Variants in GSE1 observed in about 807,000 individuals in gnomAD.
The protein encoded by GSE1 is Gse1 coiled-coil protein, also known as genetic suppressor element 1.
A neutral mutation model predicts 112.6 loss-of-function variants in GSE1; 32 were observed. The ratio of observed to expected loss-of-function variants is 0.28; its 90% CI spans 0.21 to 0.38. The LOEUF (loss-of-function observed/expected upper bound fraction) is 0.38. GSE1 is among the 10% of genes least tolerant of loss of function. The probability of loss-of-function intolerance (pLI) is 1.00; values close to 1 mark genes in which losing one functional copy is unlikely to be tolerated. For missense variants in GSE1, 2,348 were observed against 1,699.2 expected, an observed-to-expected ratio of 1.38 and a Z score of -6.71; for synonymous variants, 1,115 against 735.6, an observed-to-expected ratio of 1.52 and a Z score of -8.35.
intron 3 of GSE1, among the ~76,000 whole-genome samples, chr16:85,650,995 C>A (rs1298803145): frequency 6.7e-6 from 1 of 149,208 alleles, no homozygotes; most frequent in Non-Finnish European, 1.5e-5. Context: ...CTATGGAACC[C>A]TTGCTCTAAT....
At chr16:85,239,750 G>C (rs4534832) in intron 1 of GSE1, among the ~76,000 whole-genome samples, 23,709 of 152,226 alleles carry the variant, frequency 0.16, 2,004 homozygotes, top group East Asian at 0.23. Flanking sequence ...GTCCCACCGG[G>C]GCTGTGATTC....
chr16:85,460,555 AGGCAGAAAGTG>A (rs2049942741), intron 2 of GSE1, among the ~76,000 whole-genome samples: 1 of 152,242 alleles, frequency 6.6e-6, no homozygotes, highest in African/African-American at 2.4e-5. Flanking sequence ...GTAAACTGAC[AGGCAGAAAGTG>A]GGCGACGTCA....
intron 1 of GSE1, among the ~76,000 whole-genome samples, chr16:85,232,564 C>G (rs976741000): frequency 6.6e-6 from 1 of 152,226 alleles, no homozygotes; most frequent in African/African-American, 2.4e-5. Flanking sequence ...GCCCTGGTCT[C>G]CTGCCATGTG....
At chr16:85,670,699 T>G (rs1287079155) in intron 14 of GSE1, 16 of 192,658 alleles carry the variant, frequency 8.3e-5, no homozygotes, top group Non-Finnish European at 1.7e-4. Flanking sequence ...TATTTTTTTT[T>G]TTTTGAAAGC....
At chr16:85,189,121 T>A (rs1436658118) in intron 1 of GSE1, among the ~76,000 whole-genome samples, 2 of 152,214 alleles carry the variant, frequency 1.3e-5, no homozygotes. Context: ...TGACACATGC[T>A]CTTTCTTTCA....
rs573085472 is a variant in GSE1, at chr16:85,373,842, A to G, written c.2464+16199A>G. ...TCCTGCCCCACGGTGCCCCACGGTT[A>G]CCACCGCCACGGCAGGGCCAGTCTC... is the stretch of plus-strand genomic sequence containing the variant. On this transcript the variant is annotated intron_variant, in intron 2 of 2. Transcript: ENST00000637419. The surrounding 1 kb of genome is among the most constrained non-coding windows in gnomAD (Gnocchi z 5.1). 2.2e-3 allele frequency among the ~76,000 whole-genome samples: 330 copies of G among 152,108 alleles called. 3 individuals are homozygous for G. The highest frequency in any genetic ancestry group is 7.5e-3 in the African/African-American group (312 of 41,520).
chr16:85,187,395 C>T (rs12931623), intron 1 of GSE1, among the ~76,000 whole-genome samples: 12,309 of 152,276 alleles, frequency 0.081, 645 homozygotes, highest in Middle Eastern at 0.13. Flanking sequence ...AGCACCGGGG[C>T]CCCCGCTTCC....
chr16:85,661,903 G>A (rs2052466488), intron 9 of GSE1, 138 bp downstream of exon 9: 1 of 811,922 alleles, frequency 1.2e-6, no homozygotes, highest in Non-Finnish European at 1.9e-6. Context: ...GGTGGCAAGT[G>A]CACTGGCTTC....
chr16:85,344,342 G>A (rs556698825), intron 1 of GSE1, among the ~76,000 whole-genome samples: 35 of 152,272 alleles, frequency 2.3e-4, no homozygotes, highest in Admixed American at 6.5e-4. Flanking sequence ...AGCAGCCCGC[G>A]CGTTGCTTTT....
chr16:85,605,193 C>G lies in GSE1; in HGVS notation c.38-43359C>G, dbSNP rs116475272. On this transcript the variant is annotated intron_variant, in intron 1 of 2. Transcript: ENST00000635906. ...GGGCCCCACCCGCTGTCCTGCTCCC[C>G]TTGCCTAGTGACCAGCCAGGGGCCG... Among the ~76,000 whole-genome samples the G allele has an allele frequency of 2.5e-3, 382 of 151,948 alleles. 9 individuals carry two copies. Among genetic ancestry groups the G allele is most frequent in the African/African-American group, 9.0e-3 (371 of 41,308 alleles).
intron 2 of GSE1, among the ~76,000 whole-genome samples, chr16:85,483,807 T>C (rs1160994435): frequency 6.6e-6 from 1 of 152,134 alleles, no homozygotes; most frequent in East Asian, 1.9e-4. Flanking sequence ...TAAATAAGGG[T>C]GTGATTATTG....
intron 2 of GSE1, among the ~76,000 whole-genome samples, chr16:85,542,096 G>A (rs1345226557): frequency 7.1e-6 from 1 of 141,250 alleles, no homozygotes; most frequent in Non-Finnish European, 1.6e-5. Flanking sequence ...CACCCCATCC[G>A]GTTTTGACCT....
At chr16:85,628,103 C>G (rs554507677) in intron 1 of GSE1, among the ~76,000 whole-genome samples, 17 of 152,346 alleles carry the variant, frequency 1.1e-4, no homozygotes, top group African/African-American at 4.1e-4. Flanking sequence ...CTCCAAGGAT[C>G]TCGGGGTTCC....
chr16:85,424,255 C>T (rs895363348), intron 2 of GSE1, among the ~76,000 whole-genome samples: 7 of 152,266 alleles, frequency 4.6e-5, no homozygotes, highest in African/African-American at 9.6e-5. Context: ...AGCCCCCGCC[C>T]CTCCGGTGCC....
intron 1 of GSE1, among the ~76,000 whole-genome samples, chr16:85,220,111 C>T (rs932296150): frequency 1.8e-4 from 28 of 152,248 alleles, no homozygotes; most frequent in African/African-American, 6.3e-4. Flanking sequence ...ACCCCACCCT[C>T]GGCCCCTCAC....
chr16:85,235,431 T>C (rs1287912088), intron 1 of GSE1, among the ~76,000 whole-genome samples: 4 of 58,752 alleles, frequency 6.8e-5, no homozygotes, highest in African/African-American at 2.8e-4. Context: ...AAGGGTACTG[T>C]GTGTGTGTGT....
intron 1 of GSE1, among the ~76,000 whole-genome samples, chr16:85,633,667 C>G (rs1393943312): frequency 6.6e-6 from 1 of 152,192 alleles, no homozygotes; most frequent in Non-Finnish European, 1.5e-5. Context: ...AGTGCTGGCC[C>G]AAGCCGTTCA....
At chr16:85,567,609 C>T (rs902197537) in intron 1 of GSE1, among the ~76,000 whole-genome samples, 1 of 152,230 alleles carries the variant, frequency 6.6e-6, no homozygotes, top group African/African-American at 2.4e-5. Context: ...AAGCGGAAAG[C>T]TGCACGGCCT....
intron 2 of GSE1, among the ~76,000 whole-genome samples, chr16:85,516,895 T>C (rs1012979126): frequency 7.3e-5 from 11 of 151,554 alleles, no homozygotes; most frequent in Non-Finnish European, 1.3e-4. Flanking sequence ...CCTCCCGGGT[T>C]CACGCCATTC....
Sources: allele counts gnomAD v4.1 joint callset (sites outside exome capture counted in the v4.1 genomes callset), GRCh38; gene constraint gnomAD v4.1.1; non-coding constraint Gnocchi (gnomAD v3.1); transcripts MANE v1.5; gene names NCBI Gene and HGNC (gene_info 2026-07-23, HGNC 2026-07-21).